Variants in REPS2 observed in about 807,000 individuals in gnomAD.
REPS2 encodes the protein ralBP1-associated Eps domain-containing protein 2.
In REPS2, 23 loss-of-function variants were observed where a neutral mutation model predicts 53.6. The ratio of observed to expected loss-of-function variants is 0.43; its 90% CI spans 0.31 to 0.61. The LOEUF is 0.61. REPS2 is among the 20% of genes least tolerant of loss of function. The pLI is 0.11. For synonymous variants in REPS2, 238 were observed against 218.6 expected (o/e 1.09, Z -0.78); for missense variants, 446 against 534.9 (o/e 0.83, Z 1.64).
chrX:16,965,809 G>T (rs2147662780), intron 1 of REPS2, among the ~76,000 whole-genome samples: 1 of 112,781 alleles, frequency 8.9e-6, no homozygotes, highest in African/African-American at 3.2e-5. Flanking sequence ...CTGCACTCCA[G>T]CCTGGGCACC....
intron 6 of REPS2, among the ~76,000 whole-genome samples, chrX:17,049,880 A>G (rs970047520): frequency 9.1e-6 from 1 of 110,008 alleles, no homozygotes; most frequent in African/African-American, 3.3e-5. Flanking sequence ...AGGTTAATTT[A>G]TTATTGATGA....
rs187161965 is a variant in REPS2, at chrX:17,103,407, C to T, written c.1517-311C>T. On this transcript the variant is annotated intron_variant, in intron 13 of 17. Transcript: ENST00000357277. Reference sequence around the variant, plus strand: ...GACTTTTGCCCTAGATTGTTTGAAACGAAATAACATTAGAATAATGAGGAA... The same window carrying T: ...GACTTTTGCCCTAGATTGTTTGAAATGAAATAACATTAGAATAATGAGGAA... 1.1e-4 allele frequency among the ~76,000 whole-genome samples: 12 copies of T among 111,664 alleles called. No individual in the cohort carries two copies. The East Asian group carries it at 2.8e-3, about 26-fold the overall frequency.
the REPS2 span, among the ~76,000 whole-genome samples, chrX:17,174,621 C>G: frequency 1.8e-4 from 20 of 112,223 alleles, no homozygotes; most frequent in African/African-American, 5.8e-4. Flanking sequence ...TAGGGTCAGG[C>G]TGGAATCAAA....
At chrX:17,069,881 G>C (rs1312632820) in intron 10 of REPS2, 59 bp from the exon 11 acceptor site, 1 of 726,827 alleles carries the variant, frequency 1.4e-6, no homozygotes, top group Non-Finnish European at 2.0e-6. Context: ...ACATTTTATA[G>C]TTTTAATTTT....
intron 2 of REPS2, among the ~76,000 whole-genome samples, chrX:17,008,840 T>C (rs1243721963): frequency 9.0e-6 from 1 of 111,368 alleles, no homozygotes; most frequent in African/African-American, 3.3e-5. Context: ...GATACCCTTA[T>C]GTCATGAATA....
At chrX:17,165,785 G>A in the REPS2 span, among the ~76,000 whole-genome samples, 4 of 111,026 alleles carry the variant, frequency 3.6e-5, no homozygotes, top group Non-Finnish European at 5.7e-5. Flanking sequence ...AAAAAGAACA[G>A]CCTGTGTACT....
At chrX:16,952,330 T>G (rs770180755) in intron 1 of REPS2, among the ~76,000 whole-genome samples, 1 of 111,895 alleles carries the variant, frequency 8.9e-6, no homozygotes, top group Admixed American at 9.6e-5. Context: ...ATGCGGTGTT[T>G]GGTTTTCTGT....
intron 1 of REPS2, among the ~76,000 whole-genome samples, chrX:16,951,560 C>CACACACACACACA (rs1555906117): frequency 4.5e-4 from 9 of 19,914 alleles, no homozygotes; most frequent in East Asian, 3.2e-3. Flanking sequence ...CACACACACA[C>CACACACACACACA]CCCCGCTACC....
At chrX:17,160,954 A>C in the REPS2 span, among the ~76,000 whole-genome samples, 1 of 112,043 alleles carries the variant, frequency 8.9e-6, no homozygotes, top group East Asian at 2.8e-4. Context: ...CCACAGATGG[A>C]GAGGAATTGT....
rs186035807 is a variant in REPS2, at chrX:17,131,097, T to C, written c.1579-2727T>C. 5.0e-3 allele frequency among the ~76,000 whole-genome samples: 558 copies of C among 111,063 alleles called. 3 individuals carry two copies. The highest frequency in any genetic ancestry group is 7.1e-3 in the Non-Finnish European group (376 of 52,970). ...TAGTGGATTTAGAGGAGATGGGGAA[T>C]TGCTTGGGATAAAATGTAGGAACAG... On this transcript the variant is annotated intron_variant, in intron 14 of 17. Transcript: ENST00000357277.
At chrX:17,136,808 C>T (rs2063373894) in intron 16 of REPS2, 1 of 111,788 alleles carries the variant, frequency 8.9e-6, no homozygotes, top group South Asian at 3.7e-4. Flanking sequence ...TCTCCTTCCC[C>T]CTCAGCCCCT....
chrX:16,984,359 A>T (rs1286033915), intron 1 of REPS2, among the ~76,000 whole-genome samples: 2 of 112,102 alleles, frequency 1.8e-5, no homozygotes, highest in Middle Eastern at 4.6e-3. Context: ...TCTCAGAGAG[A>T]CAGCAAGGCA....
At chrX:16,997,704 G>A (rs2061249243) in intron 1 of REPS2, among the ~76,000 whole-genome samples, 1 of 112,387 alleles carries the variant, frequency 8.9e-6, no homozygotes, top group African/African-American at 3.2e-5. Flanking sequence ...ACTCTGTCAA[G>A]CCTATGTATG....
At chrX:17,116,006 C>T (rs2063049063) in intron 14 of REPS2, among the ~76,000 whole-genome samples, 2 of 111,119 alleles carry the variant, frequency 1.8e-5, no homozygotes, top group Non-Finnish European at 1.9e-5. Flanking sequence ...GATGGCGCTG[C>T]GATGGGTTTA....
chrX:16,978,505 TC>T, intron 1 of REPS2: 1 of 687,452 alleles, frequency 1.5e-6, no homozygotes, highest in Non-Finnish European at 1.7e-6. Flanking sequence ...TTCCTTTTTT[TC>T]TTTTTTTTTT....
intron 17 of REPS2, among the ~76,000 whole-genome samples, chrX:17,141,527 T>G (rs1387318818): frequency 8.9e-6 from 1 of 112,032 alleles, no homozygotes; most frequent in Non-Finnish European, 1.9e-5. Flanking sequence ...TATGTTCTCA[T>G]TTCTCTTGGA....
intron 1 of REPS2, among the ~76,000 whole-genome samples, chrX:16,953,157 C>T (rs1217095017): frequency 9.3e-6 from 1 of 108,095 alleles, no homozygotes; most frequent in African/African-American, 3.4e-5. Flanking sequence ...ACACACAAAC[C>T]AGTAACTAGG....
At chrX:17,158,941 TA>T in the REPS2 span, among the ~76,000 whole-genome samples, 1 of 112,408 alleles carries the variant, frequency 8.9e-6, no homozygotes, top group Non-Finnish European at 1.9e-5. Flanking sequence ...AACAACAATG[TA>T]GACCTCTGTT....
At chrX:17,141,665 G>A (rs899669573) in intron 17 of REPS2, among the ~76,000 whole-genome samples, 23 of 111,958 alleles carry the variant, frequency 2.1e-4, no homozygotes, top group African/African-American at 6.8e-4. Flanking sequence ...ATTGTTCCGC[G>A]TCTTTGCCAA....
Sources: allele counts gnomAD v4.1 joint callset (sites outside exome capture counted in the v4.1 genomes callset), GRCh38; gene constraint gnomAD v4.1.1; transcripts MANE v1.5; gene names NCBI Gene and HGNC (gene_info 2026-07-23, HGNC 2026-07-21).